The following VPS41 variants were observed in gnomAD, a reference collection of about 807,000 sequenced individuals.
The protein encoded by VPS41 is vacuolar protein sorting-associated protein 41 homolog.
In VPS41, 85 loss-of-function variants were observed where a neutral mutation model predicts 130.9. The observed-to-expected ratio is 0.65, with a 90% confidence interval of 0.55 to 0.78. The LOEUF (loss-of-function observed/expected upper bound fraction) is 0.78. Ranked by LOEUF, VPS41 falls within the 30% of genes least tolerant of loss-of-function variation. VPS41 has a pLI of 0.00. For synonymous variants in VPS41, 335 were observed against 332.9 expected, an observed-to-expected ratio of 1.01 and a Z score of -0.07; for missense variants, 874 against 1,018.7, an observed-to-expected ratio of 0.86 and a Z score of 1.93.
At chr7:38,860,806 T>C (rs1481280166) in intron 4 of VPS41, among the ~76,000 whole-genome samples, 1 of 151,632 alleles carries the variant, frequency 6.6e-6, no homozygotes, top group African/African-American at 2.4e-5. Flanking sequence ...GCCAGGTCGT[T>C]AGGCAGACAT....
intron 7 of VPS41, among the ~76,000 whole-genome samples, chr7:38,817,292 C>T (rs1367065804): frequency 1.3e-5 from 2 of 152,094 alleles, no homozygotes; most frequent in African/African-American, 4.8e-5. Context: ...TTTTCTTGTC[C>T]TATATCTACT....
chr7:38,795,567 A>C lies in VPS41; in HGVS notation c.615T>G (p.Asn205Lys). 1 of 1,612,936 alleles carries C rather than the reference A, an allele frequency of 6.2e-7. No homozygotes were observed. Among genetic ancestry groups the C allele is most frequent in the Non-Finnish European group, 8.5e-7 (1 of 1,179,302 alleles). ...FDIISKQRIT[N>K]VPRDDISLRP... ...GAAGACTTATATCATCCCGGGGCAC[A>C]TTGGTGATTCTTTGCTTTGAGATGA... Residue 205 changes from asparagine to lysine, a missense_variant, in exon 9 of 29, where the codon AAT becomes AAG. Asn to Lys is a moderately conservative substitution (Grantham distance 94). Transcript: ENST00000310301.
intron 4 of VPS41, among the ~76,000 whole-genome samples, chr7:38,846,210 C>A (rs1046650057): frequency 2.0e-5 from 3 of 152,214 alleles, no homozygotes; most frequent in Non-Finnish European, 4.4e-5. Context: ...TTGAACACAA[C>A]TCTATTTTAT....
chr7:38,754,252 C>T (rs966625784), intron 21 of VPS41, among the ~76,000 whole-genome samples: 1 of 152,130 alleles, frequency 6.6e-6, no homozygotes, highest in East Asian at 1.9e-4. Context: ...TCTGACATTT[C>T]CTTAGCAGGA....
chr7:38,777,141 A>T (rs1183995577), intron 10 of VPS41, among the ~76,000 whole-genome samples: 1 of 152,218 alleles, frequency 6.6e-6, no homozygotes, highest in Admixed American at 6.5e-5. Flanking sequence ...AACAGTAATA[A>T]TTTTTTAAAA....
intron 8 of VPS41, among the ~76,000 whole-genome samples, chr7:38,796,246 C>T (rs1325330830): frequency 6.6e-6 from 1 of 152,220 alleles, no homozygotes; most frequent in African/African-American, 2.4e-5. Context: ...ATTTTTAAAA[C>T]TTCCTACTAG....
intron 4 of VPS41, among the ~76,000 whole-genome samples, chr7:38,841,528 T>C (rs1785607519): frequency 6.6e-6 from 1 of 152,246 alleles, no homozygotes; most frequent in South Asian, 2.1e-4. Context: ...TCCCCATGGC[T>C]TTCTGGCACC....
chr7:38,886,864 C>T (rs1044028883), intron 2 of VPS41, among the ~76,000 whole-genome samples: 5 of 152,206 alleles, frequency 3.3e-5, no homozygotes, highest in Admixed American at 3.3e-4. Context: ...GCAGCCTCTG[C>T]TGGTGACACC....
At chr7:38,877,923 G>A (rs751033128) in intron 2 of VPS41, among the ~76,000 whole-genome samples, 6 of 152,076 alleles carry the variant, frequency 3.9e-5, no homozygotes, top group Non-Finnish European at 8.8e-5. Context: ...TCACAGAGCC[G>A]ACCCCTGCCC....
At chr7:38,850,810 C>G (rs1417315510) in intron 4 of VPS41, among the ~76,000 whole-genome samples, 1 of 151,994 alleles carries the variant, frequency 6.6e-6, no homozygotes, top group African/African-American at 2.4e-5. Flanking sequence ...TCATTAGTAA[C>G]CAGAAAAATA....
At chr7:38,791,682 T>C (rs565119636) in intron 9 of VPS41, among the ~76,000 whole-genome samples, 1 of 152,058 alleles carries the variant, frequency 6.6e-6, no homozygotes, top group East Asian at 1.9e-4. Flanking sequence ...ATGAAGGGCA[T>C]GGGGGAAGAA....
chr7:38,831,570 G>C (rs1785387836), intron 4 of VPS41, among the ~76,000 whole-genome samples: 2 of 152,238 alleles, frequency 1.3e-5, no homozygotes, highest in Non-Finnish European at 2.9e-5. Context: ...GTTACACTTA[G>C]TAGATTTTCC....
At chr7:38,733,501 A>C (rs1795707918) in intron 25 of VPS41, among the ~76,000 whole-genome samples, 1 of 152,200 alleles carries the variant, frequency 6.6e-6, no homozygotes, top group Non-Finnish European at 1.5e-5. Flanking sequence ...ATAAGCATGC[A>C]GTTTTGAAGA....
At chr7:38,879,069 G>C (rs1330141298) in intron 2 of VPS41, among the ~76,000 whole-genome samples, 1 of 152,188 alleles carries the variant, frequency 6.6e-6, no homozygotes, top group Non-Finnish European at 1.5e-5. Context: ...CTGTGCTGCT[G>C]GCCTTCTACC....
intron 4 of VPS41, among the ~76,000 whole-genome samples, chr7:38,851,400 T>C (rs1217804842): frequency 1.3e-5 from 2 of 152,246 alleles, no homozygotes; most frequent in Admixed American, 6.5e-5. Context: ...TAGAATGTTA[T>C]ATAAATGCAA....
chr7:38,799,661 C>CA (rs1201083252), intron 7 of VPS41, among the ~76,000 whole-genome samples: 6 of 151,634 alleles, frequency 4.0e-5, no homozygotes, highest in Admixed American at 2.0e-4. Context: ...AATGCAAGTC[C>CA]AAAAAAATCC....
chr7:38,767,308 T>G (rs1008548611), intron 15 of VPS41, among the ~76,000 whole-genome samples: 2 of 152,108 alleles, frequency 1.3e-5, no homozygotes, highest in Non-Finnish European at 2.9e-5. Context: ...AAAAAAATTC[T>G]CCTTCGGTAA....
At chr7:38,806,245 T>A (rs1784836032) in intron 7 of VPS41, among the ~76,000 whole-genome samples, 1 of 152,208 alleles carries the variant, frequency 6.6e-6, no homozygotes, top group Non-Finnish European at 1.5e-5. Flanking sequence ...TCATAACCTT[T>A]GATTCAGTAA....
intron 7 of VPS41, among the ~76,000 whole-genome samples, chr7:38,804,761 T>C (rs1440156658): frequency 6.6e-6 from 1 of 152,216 alleles, no homozygotes; most frequent in East Asian, 1.9e-4. Context: ...TGTGAGGTAG[T>C]CCCCTATTTA....
Sources: allele counts gnomAD v4.1 joint callset (sites outside exome capture counted in the v4.1 genomes callset), GRCh38; gene constraint gnomAD v4.1.1; transcripts MANE v1.5; gene names NCBI Gene and HGNC (gene_info 2026-07-23, HGNC 2026-07-21).